Variants in NEIL1 observed in about 807,000 individuals in gnomAD.
NEIL1 encodes nei like DNA glycosylase 1, also known as endonuclease 8-like 1.
A neutral mutation model predicts 44.2 loss-of-function variants in NEIL1; 31 were observed. The observed-to-expected ratio is 0.70, with a 90% confidence interval of 0.53 to 0.95. NEIL1 has a LOEUF of 0.95. Ranked by LOEUF, NEIL1 falls within the 40% of genes least tolerant of loss-of-function variation. NEIL1 has a pLI of 0.00. For synonymous variants in NEIL1, 254 were observed against 209.7 expected (o/e 1.21, Z -1.83); for missense variants, 549 against 515.5 (o/e 1.07, Z -0.63).
At position 75,356,842 on chromosome 15, in the gene NEIL1, C is replaced by G. The variant is rs775771515; in HGVS notation, c.*1808C>G. The stretch of plus-strand genomic sequence containing the variant: ...CGCACTGACGCGCCATACTTGCAGT[C>G]GTTGAGCAGGGCCAGCCCAAAGCCG... On this transcript the variant is annotated 3_prime_UTR_variant, in exon 10 of 10. Transcript: ENST00000355059. The surrounding 1 kb of genome is among the most constrained non-coding windows in gnomAD (Gnocchi z 5.8). 6.2e-7 allele frequency: 1 copy of G among 1,614,122 alleles called. No homozygotes were observed. Among genetic ancestry groups the G allele is most frequent in the Non-Finnish European group, 8.5e-7 (1 of 1,180,038 alleles).
chr15:75,353,545 C>T (rs1384760152), intron 5 of NEIL1, 194 bp from the exon 6 acceptor site: 1 of 727,318 alleles, frequency 1.4e-6, no homozygotes, highest in Non-Finnish European at 2.6e-6. Context: ...TTCTTAATCC[C>T]ACTCCAGGAT....
At chr15:75,348,007 G>GC in intron 1 of NEIL1, 1 of 1,196,684 alleles carries the variant, frequency 8.4e-7, no homozygotes. Context: ...GAGGCAAGTG[G>GC]CAAAGCAGGG....
intron 1 of NEIL1, 185 bp from the exon 2 acceptor site, chr15:75,348,699 C>G (rs994625638): frequency 4.7e-5 from 67 of 1,431,138 alleles, no homozygotes; most frequent in Non-Finnish European, 6.0e-5. Context: ...TCCCAGCGCC[C>G]TGGGCTTTCC....
chr15:75,348,897 T>A lies in NEIL1; in HGVS notation c.-9T>A, dbSNP rs2071654160. On this transcript the variant is annotated 5_prime_UTR_variant, in exon 2 of 10. Coordinates refer to ENST00000355059, the MANE Select transcript of NEIL1 (RefSeq NM_024608.4). ...CCTCCCCAACAGGACTCTGCCACCC[T>A]CCCTCAGGATGCCTGAGGGCCCCGA... is the stretch of plus-strand genomic sequence containing the variant. The A allele has an allele frequency of 6.2e-7, 1 of 1,608,660 alleles. No homozygotes were observed. Among genetic ancestry groups the A allele is most frequent in the Non-Finnish European group, 8.5e-7 (1 of 1,178,818 alleles).
rs776334473 is a variant in NEIL1, at chr15:75,356,437, T to G, written c.*1403T>G. ...GTAGGCAGCTTGGATAACGCCAGCA[T>G]CCTGGAAAGAGCCTGGGGTACGACC... On this transcript the variant is annotated 3_prime_UTR_variant, in exon 10 of 10. Transcript: ENST00000355059. This position sits in a 1 kb window ranked among gnomAD's most constrained non-coding sequence, Gnocchi z 5.8. The G allele has an allele frequency of 8.7e-6, 14 of 1,602,344 alleles. No homozygotes were observed. The highest frequency in any genetic ancestry group is 2.2e-5 in the East Asian group (1 of 44,682).
rs747677020 is a variant in NEIL1, at chr15:75,349,142, C to T, written c.237C>T (p.Phe79=). 7 of 1,610,086 alleles carry T rather than the reference C, an allele frequency of 4.3e-6. No individual in the cohort carries two copies. Among genetic ancestry groups the T allele is most frequent in the Non-Finnish European group, 4.2e-6 (5 of 1,179,922 alleles). Residue 79 remains phenylalanine, a synonymous_variant, in exon 2 of 10, where the codon TTC becomes TTT. Transcript: ENST00000355059. The part of the protein sequence containing the change: ...QQEPLALVFR[F]GMSGSFQLVP... ...AGCCACTGGCCCTGGTCTTCCGCTT[C>T]GGCATGTCCGGCTCTTTTCAGCTGG...
chr15:75,356,407 AG>A lies in NEIL1; in HGVS notation c.*1375del. ...TGGCAGAGCCAACAGGGGGAAGTTT[AG>A]GCTGTAGGCAGCTTGGATAACGCCA... On this transcript the variant is annotated 3_prime_UTR_variant, in exon 10 of 10. Coordinates refer to ENST00000355059, the MANE Select transcript of NEIL1 (RefSeq NM_024608.4). The surrounding 1 kb of genome is among the most constrained non-coding windows in gnomAD (Gnocchi z 5.8). The A allele has an allele frequency of 6.2e-7, 1 of 1,609,630 alleles. No homozygotes were observed. Among genetic ancestry groups the A allele is most frequent in the East Asian group, 2.2e-5 (1 of 44,770 alleles).
At chr15:75,351,739 AG>A (rs2071907420) in intron 2 of NEIL1, among the ~76,000 whole-genome samples, 1 of 152,024 alleles carries the variant, frequency 6.6e-6, no homozygotes, top group Non-Finnish European at 1.5e-5. Context: ...CTGCTGCTTC[AG>A]GCCTCCCAAG....
chr15:75,354,480 G>C lies in NEIL1; in HGVS notation c.924G>C (p.Glu308Asp), dbSNP rs2072192178. 7 of 1,614,198 alleles carry C rather than the reference G, an allele frequency of 4.3e-6. No individual in the cohort carries two copies. The highest frequency in any genetic ancestry group is 5.1e-6 in the Non-Finnish European group (6 of 1,180,008). ...KKSKATQLSP[E>D]DRVEDALPPS... is the part of the protein sequence containing the mutation. ...CCAAGGCCACACAGCTGAGTCCTGA[G>C]GACAGAGTGGAGGTATGGCTGCCTG... The change falls in exon 8 of 10, where the codon GAG (glutamate) becomes GAC (aspartate). Residue 308 changes from glutamate (E) to aspartate (D), a missense_variant. Transcript: ENST00000355059.
At chr15:75,349,615 A>C (rs1595854917) in intron 2 of NEIL1, 2 of 463,250 alleles carry the variant, frequency 4.3e-6, no homozygotes, top group Non-Finnish European at 7.8e-6. Flanking sequence ...GGAGTTCGAG[A>C]CCAGCCTGGC....
rs1595872693 is a variant in NEIL1, at chr15:75,356,259, G to A, written c.*1225G>A. The stretch of plus-strand genomic sequence containing the variant: ...GTCTGGTGGGAGGGGCCGAGGGCAG[G>A]CCCAGTTCGGAACCCCGTCCCCAGC... On this transcript the variant is annotated 3_prime_UTR_variant, in exon 10 of 10. Transcript: ENST00000355059. The surrounding 1 kb of genome is among the most constrained non-coding windows in gnomAD (Gnocchi z 5.8). 3 of 1,612,058 alleles carry A rather than the reference G, an allele frequency of 1.9e-6. No individual in the cohort carries two copies. Among genetic ancestry groups the A allele is most frequent in the East Asian group, 4.5e-5 (2 of 44,824 alleles).
Position 75,356,838 on chromosome 15 carries a change from C to T in NEIL1, c.*1804C>T, listed in dbSNP as rs143755898. Reference sequence around the variant, plus strand: ...GCCTCGCACTGACGCGCCATACTTGCAGTCGTTGAGCAGGGCCAGCCCAAA... The same window carrying T: ...GCCTCGCACTGACGCGCCATACTTGTAGTCGTTGAGCAGGGCCAGCCCAAA... On this transcript the variant is annotated 3_prime_UTR_variant, in exon 10 of 10. Coordinates refer to ENST00000355059, the MANE Select transcript of NEIL1 (RefSeq NM_024608.4). This position sits in a 1 kb window ranked among gnomAD's most constrained non-coding sequence, Gnocchi z 5.8. 5 of 1,614,122 alleles carry T rather than the reference C, an allele frequency of 3.1e-6. No homozygotes were observed. The highest frequency in any genetic ancestry group is 2.2e-5 in the East Asian group (1 of 44,884).
chr15:75,351,705 T>C (rs1313503939), intron 2 of NEIL1, among the ~76,000 whole-genome samples: 1 of 152,182 alleles, frequency 6.6e-6, no homozygotes, highest in Non-Finnish European at 1.5e-5. Flanking sequence ...CACTGCAACC[T>C]CCACCTCCCA....
In NEIL1 at chr15:75,355,816, C is replaced by T. The variant is rs995093527; in HGVS notation, c.*782C>T. 1.3e-6 allele frequency: 2 copies of T among 1,498,172 alleles called. No homozygotes were observed. The highest frequency in any genetic ancestry group is 1.4e-5 in the African/African-American group (1 of 71,356). The allele number at this position is 1,498,172 out of a possible 1,614,324, so 92.8% of individuals were successfully genotyped here. On this transcript the variant is annotated 3_prime_UTR_variant, in exon 10 of 10. Coordinates refer to ENST00000355059, the MANE Select transcript of NEIL1 (RefSeq NM_024608.4). ...GTTCCCGATCCAAGGATTTATTCCACAAGAAAAGACTGATCCCTGCTTTAG... is the reference window on the plus strand; with the variant it reads ...GTTCCCGATCCAAGGATTTATTCCATAAGAAAAGACTGATCCCTGCTTTAG...
intron 1 of NEIL1, chr15:75,348,360 CT>C: frequency 1.0e-6 from 1 of 988,298 alleles, no homozygotes; most frequent in South Asian, 4.6e-5. Context: ...CAGGCGGGTC[CT>C]AAGTGTGGGG....
At chr15:75,349,385 C>G in intron 2 of NEIL1, 46 bp downstream of exon 2, 1 of 1,533,724 alleles carries the variant, frequency 6.5e-7, no homozygotes, top group Non-Finnish European at 8.8e-7. Flanking sequence ...GGGCTCCACA[C>G]CTGACTCTCT....
rs756652220 is a variant in NEIL1, at chr15:75,349,475, T to C, written c.434+136T>C. 315 of 844,158 alleles carry C rather than the reference T, an allele frequency of 3.7e-4. 1 individual carries two copies. Among genetic ancestry groups the C allele is most frequent in the Non-Finnish European group, 4.9e-4 (272 of 558,148 alleles). 52.3% of individuals were successfully genotyped at this position (844,158 alleles called of 1,614,324 possible). On this transcript the variant is annotated intron_variant, in intron 2 of 9. Coordinates refer to ENST00000355059, the MANE Select transcript of NEIL1 (RefSeq NM_024608.4). The stretch of plus-strand genomic sequence containing the variant: ...CTCTCATCTGCAGATCAAGACAGTA[T>C]ACCTGTCCTGGGTCAGCTCCCTGAG...
chr15:75,355,729 C>G lies in NEIL1; in HGVS notation c.*695C>G, dbSNP rs1276626435. 3.7e-6 allele frequency: 2 copies of G among 545,364 alleles called. No individual in the cohort carries two copies. The highest frequency in any genetic ancestry group is 6.3e-6 in the Non-Finnish European group (2 of 319,490). The allele number at this position is 545,364 out of a possible 1,614,324, so 33.8% of individuals were successfully genotyped here. On this transcript the variant is annotated 3_prime_UTR_variant, in exon 10 of 10. Coordinates refer to ENST00000355059, the MANE Select transcript of NEIL1 (RefSeq NM_024608.4). ...ACCAAATACCTGGGAAGCCATCCCACCCCAGACTTCCCACCCCCACCCCAA... is the reference window on the plus strand; with the variant it reads ...ACCAAATACCTGGGAAGCCATCCCAGCCCAGACTTCCCACCCCCACCCCAA...
At chr15:75,349,369 A>C in intron 2 of NEIL1, 30 bp downstream of exon 2, 1 of 1,563,224 alleles carries the variant, frequency 6.4e-7, no homozygotes, top group South Asian at 1.2e-5. Flanking sequence ...TGATGAACAT[A>C]GTCGCGGGCT....
Sources: allele counts gnomAD v4.1 joint callset (sites outside exome capture counted in the v4.1 genomes callset), GRCh38; gene constraint gnomAD v4.1.1; non-coding constraint Gnocchi (gnomAD v3.1); transcripts MANE v1.5; gene names NCBI Gene and HGNC (gene_info 2026-07-23, HGNC 2026-07-21).